ZNF835: variants seen among roughly 807,000 people sequenced by gnomAD.
ZNF835 encodes zinc finger protein 835.
For synonymous variants in ZNF835, 323 were observed against 324.7 expected (o/e 0.99, Z 0.06); for missense variants, 783 against 758.4 (o/e 1.03, Z -0.38).
chr19:56,665,619 C>T (rs1437702999), intron 1 of ZNF835, among the ~76,000 whole-genome samples: 1 of 152,090 alleles, frequency 6.6e-6, no homozygotes, highest in Non-Finnish European at 1.5e-5. Flanking sequence ...CTGGGCAACA[C>T]AGCAAGATCT....
chr19:56,665,564 G>A, intron 1 of ZNF835: 1 of 501,908 alleles, frequency 2.0e-6, no homozygotes, highest in South Asian at 1.6e-5. Flanking sequence ...CAAGGCAGGT[G>A]GTTGCTTGAG....
Position 56,664,722 on chromosome 19 carries a change from C to A in ZNF835, c.477G>T (p.Thr159=). ...AGGCGTAGGGCTTCTCGCCCGTGTG[C>A]GTGCGCTGGTGCAGGGTCAGGTGCA... ...QSVHLTLHQR[T]HTGEKPYACH... Residue 159 remains threonine (T), a synonymous_variant, in exon 2 of 2, where the codon ACG becomes ACT. Transcript: ENST00000537055. The A allele has an allele frequency of 6.2e-7, 1 of 1,611,100 alleles. No individual in the cohort carries two copies.
At chr19:56,670,432 A>G (rs767380936) in intron 1 of ZNF835, among the ~76,000 whole-genome samples, 1 of 152,138 alleles carries the variant, frequency 6.6e-6, no homozygotes, top group South Asian at 2.1e-4. Context: ...ATCCAGGGAC[A>G]CACAGTCGCC....
chr19:56,671,171 T>G (rs2045287536), intron 1 of ZNF835, among the ~76,000 whole-genome samples: 1 of 145,472 alleles, frequency 6.9e-6, no homozygotes. Context: ...GCAGACGCTG[T>G]GACACTCAGG....
At chr19:56,669,411 C>T (rs2148058529) in intron 1 of ZNF835, among the ~76,000 whole-genome samples, 1 of 152,252 alleles carries the variant, frequency 6.6e-6, no homozygotes, top group African/African-American at 2.4e-5. Context: ...ACTCAACTTC[C>T]AGCCCTCTCC....
chr19:56,663,946 T>C lies in ZNF835; in HGVS notation c.1253A>G (p.Tyr418Cys), dbSNP rs1210778965. ...HQKIHTGERP[Y>C]KCGECGKAFS... ...AGCTTTGCCGCACTCGCCGCACTTG[T>C]AGGGCCGCTCTCCGGTGTGGATCTT... is the stretch of plus-strand genomic sequence containing the variant. The change falls in exon 2 of 2, where the codon TAC (tyrosine) becomes TGC (cysteine). Residue 418 changes from tyrosine (Y) to cysteine (C), a missense_variant. By Grantham distance (194) the Tyr-to-Cys change is radical. Coordinates refer to ENST00000537055, the MANE Select transcript of ZNF835 (RefSeq NM_001005850.3). The C allele has an allele frequency of 1.1e-5, 18 of 1,612,556 alleles. No homozygotes were observed. Among genetic ancestry groups the C allele is most frequent in the Non-Finnish European group, 1.4e-5 (16 of 1,179,676 alleles).
rs986770937 is a variant in ZNF835, at chr19:56,663,263, G to A, written c.*322C>T. Reference sequence around the variant, plus strand: ...GTACCCGGGAGGCAGAAGTTTCAGTGAGCCGAGATCGCTCCACTGCACTCT... The same window carrying A: ...GTACCCGGGAGGCAGAAGTTTCAGTAAGCCGAGATCGCTCCACTGCACTCT... On this transcript the variant is annotated 3_prime_UTR_variant, in exon 2 of 2. Transcript: ENST00000537055. 1.5e-5 allele frequency: 5 copies of A among 334,646 alleles called. No homozygotes were observed. Among genetic ancestry groups the A allele is most frequent in the Non-Finnish European group, 2.2e-5 (4 of 182,376 alleles). 20.7% of individuals were successfully genotyped at this position (334,646 alleles called of 1,614,324 possible). A position where few individuals can be genotyped will look rare whatever the true frequency, so the allele number is the denominator to read the frequency against.
rs1351057133 is a variant in ZNF835 at position 56,663,982 on chromosome 19, A to G, written c.1217T>C (p.Ile406Thr). 25 of 1,609,822 alleles carry G rather than the reference A, an allele frequency of 1.6e-5. No individual in the cohort carries two copies. Among genetic ancestry groups the G allele is most frequent in the Non-Finnish European group, 2.0e-5 (24 of 1,178,320 alleles). The change falls in exon 2 of 2, where the codon ATA (isoleucine) becomes ACA (threonine). Residue 406 changes from isoleucine (I) to threonine (T), a missense_variant. Transcript: ENST00000537055. ...TCCGGTGTGGATCTTCTGGTGCTCTATAAGCGAGGACACGTGGCTGAAGGC... is the reference window on the plus strand; with the variant it reads ...TCCGGTGTGGATCTTCTGGTGCTCTGTAAGCGAGGACACGTGGCTGAAGGC... ...GAAFSHVSSL[I>T]EHQKIHTGER...
intron 1 of ZNF835, among the ~76,000 whole-genome samples, chr19:56,668,146 C>T (rs1159177016): frequency 3.3e-5 from 5 of 151,830 alleles, no homozygotes; most frequent in Admixed American, 6.6e-5. Flanking sequence ...TACAGGCATG[C>T]GCTACCATGT....
chr19:56,667,545 G>A (rs567275493), intron 1 of ZNF835, among the ~76,000 whole-genome samples: 31 of 152,356 alleles, frequency 2.0e-4, no homozygotes, highest in African/African-American at 6.3e-4. Context: ...CTCATGTTAT[G>A]TGTGGGCTCA....
rs754377081 is a variant in ZNF835, at chr19:56,664,561, C to T, written c.638G>A (p.Arg213Gln). Residue 213 changes from arginine to glutamine, a missense_variant, in exon 2 of 2, where the codon CGG (arginine) becomes CAG (glutamine). By Grantham distance (43) the Arg-to-Gln change is conservative (BLOSUM62 1). Transcript: ENST00000537055. The part of the protein sequence containing the change: ...FTRVTHLTQH[R>Q]RVHTGERPYA... Reference sequence around the variant, plus strand: ...GGGCCGCTCGCCCGTGTGCACGCGCCGGTGCTGGGTCAGGTGCGTGACGCG... The same window carrying T: ...GGGCCGCTCGCCCGTGTGCACGCGCTGGTGCTGGGTCAGGTGCGTGACGCG... 4.4e-5 allele frequency: 71 copies of T among 1,606,888 alleles called. No homozygotes were observed. The highest frequency in any genetic ancestry group is 9.4e-6 in the Non-Finnish European group (11 of 1,176,420).
At chr19:56,671,549 C>T (rs1861221) in intron 1 of ZNF835, 27 bp downstream of exon 1, 33,683 of 152,534 alleles carry the variant, frequency 0.22, 4,622 homozygotes, top group African/African-American at 0.39. Flanking sequence ...GGTCACACAC[C>T]TGCAGGAACA....
chr19:56,664,567 T>C lies in ZNF835; in HGVS notation c.632A>G (p.Gln211Arg), dbSNP rs1288751019. ...CTCGCCCGTGTGCACGCGCCGGTGC[T>C]GGGTCAGGTGCGTGACGCGCGTGAA... The part of the protein sequence containing the change: ...KAFTRVTHLT[Q>R]HRRVHTGERP... Residue 211 changes from glutamine to arginine, a missense_variant, in exon 2 of 2, where the codon CAG becomes CGG. Transcript: ENST00000537055. The C allele has an allele frequency of 6.2e-7, 1 of 1,606,700 alleles. No homozygotes were observed. The highest frequency in any genetic ancestry group is 8.5e-7 in the Non-Finnish European group (1 of 1,176,242).
rs530827854 is a variant in ZNF835, at chr19:56,669,426, C to T, written c.-48+2150G>A. Among the ~76,000 whole-genome samples, 279 of 152,244 alleles carry T rather than the reference C, an allele frequency of 1.8e-3. 1 individual carries two copies. The highest frequency in any genetic ancestry group is 6.5e-3 in the African/African-American group (269 of 41,532). ...ACTCAACTTCCAGCCCTCTCCCCTCCCAGGAGGTAGGGGCTGGCTGAAGGC... is the reference window on the plus strand; with the variant it reads ...ACTCAACTTCCAGCCCTCTCCCCTCTCAGGAGGTAGGGGCTGGCTGAAGGC... On this transcript the variant is annotated intron_variant, in intron 1 of 1. Transcript: ENST00000537055.
At chr19:56,669,513 T>G (rs905966267) in intron 1 of ZNF835, among the ~76,000 whole-genome samples, 1 of 105,850 alleles carries the variant, frequency 9.4e-6, no homozygotes, top group Non-Finnish European at 1.9e-5. Context: ...CTATCAGGAG[T>G]CCTCCATTAG....
intron 1 of ZNF835, 136 bp from the exon 2 acceptor site, chr19:56,665,381 A>G: frequency 1.1e-6 from 1 of 869,928 alleles, no homozygotes; most frequent in Non-Finnish European, 1.9e-6. Context: ...TGGGTCCAAT[A>G]ATTTGGTGTG....
intron 1 of ZNF835, among the ~76,000 whole-genome samples, chr19:56,666,550 T>C (rs1294802394): frequency 6.6e-6 from 1 of 152,218 alleles, no homozygotes; most frequent in Non-Finnish European, 1.5e-5. Flanking sequence ...GATCTCAGAC[T>C]CCCAGCCTCT....
At chr19:56,670,760 G>A (rs1274181302) in intron 1 of ZNF835, among the ~76,000 whole-genome samples, 4 of 152,222 alleles carry the variant, frequency 2.6e-5, no homozygotes, top group Non-Finnish European at 4.4e-5. Context: ...CAGACAGCAC[G>A]GCACTCTACA....
In ZNF835 at chr19:56,663,936, G is replaced by C; in HGVS notation, c.1263C>G (p.Gly421=). The change falls in exon 2 of 2, where the codon GGC becomes GGG. Residue 421 remains glycine (G), a synonymous_variant. Coordinates refer to ENST00000537055, the MANE Select transcript of ZNF835 (RefSeq NM_001005850.3). ...CCTGGCTGAAAGCTTTGCCGCACTC[G>C]CCGCACTTGTAGGGCCGCTCTCCGG... ...IHTGERPYKC[G]ECGKAFSQGS... 1 of 1,610,306 alleles carries C rather than the reference G, an allele frequency of 6.2e-7. No individual in the cohort carries two copies. The highest frequency in any genetic ancestry group is 8.5e-7 in the Non-Finnish European group (1 of 1,177,922).
Sources: allele counts gnomAD v4.1 joint callset (sites outside exome capture counted in the v4.1 genomes callset), GRCh38; gene constraint gnomAD v4.1.1; transcripts MANE v1.5; gene names NCBI Gene and HGNC (gene_info 2026-07-23, HGNC 2026-07-21).